Variants in KEAP1 observed in about 807,000 individuals in gnomAD.
KEAP1 encodes kelch-like ECH-associated protein 1.
A neutral mutation model predicts 59.7 loss-of-function variants in KEAP1; 26 were observed. The observed-to-expected ratio is 0.44, with a 90% CI of 0.32 to 0.60. The LOEUF (loss-of-function observed/expected upper bound fraction) is 0.60, where lower values mean the gene tolerates loss of function less well. KEAP1 is among the 20% of genes least tolerant of loss of function. KEAP1 has a pLI of 0.06. For synonymous variants in KEAP1, 350 were observed against 358.3 expected (o/e 0.98, Z 0.26); for missense variants, 539 against 871.4 (o/e 0.62, Z 4.80).
Position 10,486,643 on chromosome 19 carries a change from A to G in KEAP1, c.*9T>C. On this transcript the variant is annotated 3_prime_UTR_variant, in exon 6 of 6. Transcript: ENST00000171111. ...TGGACTGTATTTTTGCCCAAGAAACAAAAGTGCCTCAACAGGTACAGTTCT... is the reference window on the plus strand; with the variant it reads ...TGGACTGTATTTTTGCCCAAGAAACGAAAGTGCCTCAACAGGTACAGTTCT... The G allele has an allele frequency of 6.2e-7, 1 of 1,612,050 alleles. No individual in the cohort carries two copies. The highest frequency in any genetic ancestry group is 8.5e-7 in the Non-Finnish European group (1 of 1,179,130).
chr19:10,496,219 G>C (rs1599487967), intron 2 of KEAP1, among the ~76,000 whole-genome samples: 1 of 150,876 alleles, frequency 6.6e-6, no homozygotes, highest in East Asian at 1.9e-4. Flanking sequence ...AAAAAGGCCA[G>C]GTGCGGTGGC....
At chr19:10,489,116 A>C in intron 5 of KEAP1, 76 bp downstream of exon 5, 1 of 1,138,758 alleles carries the variant, frequency 8.8e-7, no homozygotes, top group Non-Finnish European at 1.2e-6. Context: ...AAAAAAAAAA[A>C]AAAAGGAAAG....
At chr19:10,497,454 A>C (rs1914890381) in intron 2 of KEAP1, among the ~76,000 whole-genome samples, 1 of 152,186 alleles carries the variant, frequency 6.6e-6, no homozygotes, top group Non-Finnish European at 1.5e-5. Context: ...CCGAAGGCTT[A>C]GGGCCTGGGG....
rs1471386411 is a variant in KEAP1, at chr19:10,499,424, G to C, written c.610C>G (p.Arg204Gly). Residue 204 changes from arginine to glycine, a missense_variant, in exon 2 of 6, where the codon CGG becomes GGG. Arg to Gly is a moderately radical substitution (Grantham distance 125, BLOSUM62 -2). Coordinates refer to ENST00000171111, the MANE Select transcript of KEAP1 (RefSeq NM_203500.2). The surrounding 1 kb of genome is among the most constrained non-coding windows in gnomAD (Gnocchi z 6.7). ...IGCVELHQRAREYIYMHFGEV... is the reference protein window; with the variant it reads ...IGCVELHQRAGEYIYMHFGEV... ...CCAAAATGCATGTAGATGTACTCCCGGGCACGCTGGTGCAACTCCACACAG... is the reference window on the plus strand; with the variant it reads ...CCAAAATGCATGTAGATGTACTCCCCGGCACGCTGGTGCAACTCCACACAG... 1 of 1,611,696 alleles carries C rather than the reference G, an allele frequency of 6.2e-7. No individual in the cohort carries two copies. Among genetic ancestry groups the C allele is most frequent in the Non-Finnish European group, 8.5e-7 (1 of 1,179,226 alleles).
rs375893108 is a variant in KEAP1 at position 10,496,065 on chromosome 19, T to C, written c.639+3330A>G. On this transcript the variant is annotated intron_variant, in intron 2 of 5. Transcript: ENST00000171111. ...TTAGCCAAGCATGGTAGCTCACGCC[T>C]GTAGTCTCAGCTACTCAGGAGACTG... Among the ~76,000 whole-genome samples, 8 of 151,904 alleles carry C rather than the reference T, an allele frequency of 5.3e-5. No individual in the cohort carries two copies. The South Asian group carries it at 1.2e-3, about 24-fold the overall frequency.
At chr19:10,492,509 G>A in intron 2 of KEAP1, 1 of 493,564 alleles carries the variant, frequency 2.0e-6, no homozygotes, top group Non-Finnish European at 3.7e-6. Flanking sequence ...ACGAGGTCAG[G>A]AGTTGAGAGA....
chr19:10,486,851 T>A (rs1267721101), intron 5 of KEAP1, 33 bp from the exon 6 acceptor site: 4 of 1,594,834 alleles, frequency 2.5e-6, no homozygotes, highest in South Asian at 1.1e-5. Flanking sequence ...GGTCACCACC[T>A]GTCACACCAC....
At chr19:10,490,680 AG>A (rs1036514533) in intron 3 of KEAP1, 4 of 152,202 alleles carry the variant, frequency 2.6e-5, no homozygotes, top group Non-Finnish European at 5.9e-5. Flanking sequence ...CTGGGACTAC[AG>A]GTGCACACCA....
chr19:10,489,942 T>C, intron 3 of KEAP1, 89 bp from the exon 4 acceptor site: 3 of 1,293,906 alleles, frequency 2.3e-6, no homozygotes, highest in Non-Finnish European at 1.1e-6. Context: ...TTTTTTCCTT[T>C]TTTTTTTCCC....
intron 2 of KEAP1, among the ~76,000 whole-genome samples, chr19:10,494,763 C>T (rs886999026): frequency 3.3e-5 from 5 of 150,234 alleles, no homozygotes; most frequent in African/African-American, 1.2e-4. Flanking sequence ...TCATGCGATT[C>T]TCCTGCCTCA....
chr19:10,488,814 G>A (rs991707471), intron 5 of KEAP1, among the ~76,000 whole-genome samples: 32 of 148,512 alleles, frequency 2.2e-4, no homozygotes, highest in Non-Finnish European at 3.9e-4. Flanking sequence ...GCCTGTAGTC[G>A]CAGCTACTCA....
At chr19:10,492,283 A>G (rs1187883311) in intron 2 of KEAP1, 21 bp from the exon 3 acceptor site, 1 of 1,589,250 alleles carries the variant, frequency 6.3e-7, no homozygotes, top group South Asian at 1.1e-5. Flanking sequence ...CGACAGTGGG[A>G]CGGGCTGACT....
intron 2 of KEAP1, 83 bp from the exon 3 acceptor site, chr19:10,492,345 A>G: frequency 1.0e-6 from 1 of 963,456 alleles, no homozygotes; most frequent in East Asian, 2.5e-5. Context: ...GTAACTTATC[A>G]CTGCCGCTGA....
intron 2 of KEAP1, among the ~76,000 whole-genome samples, chr19:10,493,841 G>A (rs1169374109): frequency 7.2e-5 from 11 of 151,824 alleles, no homozygotes; most frequent in East Asian, 1.9e-4. Flanking sequence ...GATTACAAGC[G>A]TGAGCCACCT....
rs1359636060 is a variant in KEAP1, at chr19:10,489,122, G to GAAAGCA, written c.1708+64_1708+69dup. 4 of 695,098 alleles carry GAAAGCA rather than the reference G, an allele frequency of 5.8e-6. No homozygotes were observed. In the South Asian group the frequency reaches 8.4e-5, roughly 15 times the overall value. The allele number at this position is 695,098 out of a possible 1,614,324, so 43.1% of individuals were successfully genotyped here. On this transcript the variant is annotated intron_variant, in intron 5 of 5. Coordinates refer to ENST00000171111, the MANE Select transcript of KEAP1 (RefSeq NM_203500.2). ...AAAAAAAAAAAAAAAAAAAAAAAAG[G>GAAAGCA]AAAGCAAAAGCAAAAGCAGTCCACA...
Position 10,491,559 on chromosome 19 carries a change from C to G in KEAP1, c.1325+18G>C. On this transcript the variant is annotated intron_variant, in intron 3 of 5. Coordinates refer to ENST00000171111, the MANE Select transcript of KEAP1 (RefSeq NM_203500.2). The surrounding 1 kb of genome is among the most constrained non-coding windows in gnomAD (Gnocchi z 5.2). ...GGAGCAGGACCCTCCGAGCCCACCC[C>G]CAGGCCCTGCCACTCACCTCTCCAC... 1 of 1,499,096 alleles carries G rather than the reference C, an allele frequency of 6.7e-7. No individual in the cohort carries two copies. The highest frequency in any genetic ancestry group is 8.9e-7 in the Non-Finnish European group (1 of 1,124,628). The allele number at this position is 1,499,096 out of a possible 1,614,324, so 92.9% of individuals were successfully genotyped here. A position where few individuals can be genotyped will look rare whatever the true frequency, so the allele number is the denominator to read the frequency against.
rs146609162 is a variant in KEAP1, at chr19:10,492,015, C to T, written c.887G>A (p.Arg296His). The T allele has an allele frequency of 2.1e-4, 331 of 1,614,030 alleles. 3 individuals carry two copies. In the South Asian group the frequency reaches 3.2e-3, roughly 16 times the overall value. ...QKCEILQSDS[R>H]CKDYLVKIFE... Reference sequence around the variant, plus strand: ...GATCTTGACCAGGTAGTCCTTGCAGCGGGAGTCGGACTGCAGGATCTCGCA... The same window carrying T: ...GATCTTGACCAGGTAGTCCTTGCAGTGGGAGTCGGACTGCAGGATCTCGCA... The change falls in exon 3 of 6, where the codon CGC becomes CAC. Residue 296 changes from arginine to histidine, a missense_variant. Arg to His is a conservative substitution (Grantham distance 29, BLOSUM62 0). Coordinates refer to ENST00000171111, the MANE Select transcript of KEAP1 (RefSeq NM_203500.2).
chr19:10,496,558 T>C (rs1213980936), intron 2 of KEAP1, among the ~76,000 whole-genome samples: 1 of 150,392 alleles, frequency 6.6e-6, no homozygotes, highest in Non-Finnish European at 1.5e-5. Context: ...TCCCAACACT[T>C]TGGGAGGCTG....
chr19:10,496,501 C>G (rs1193090395), intron 2 of KEAP1, among the ~76,000 whole-genome samples: 1 of 140,840 alleles, frequency 7.1e-6, no homozygotes, highest in African/African-American at 2.8e-5. Context: ...TCCCCCACCC[C>G]CAAAAAAAAA....
Sources: gnomAD v4.1 joint callset for allele counts (sites outside exome capture counted in the v4.1 genomes callset) on GRCh38, gnomAD v4.1.1 for gene constraint, Gnocchi (gnomAD v3.1) non-coding constraint, MANE v1.5 for transcripts, NCBI Gene and HGNC (gene_info 2026-07-23, HGNC 2026-07-21) for gene names.